USP34: variants seen among roughly 807,000 people sequenced by gnomAD.
The protein encoded by USP34 is ubiquitin specific peptidase 34.
A neutral mutation model predicts 460.3 loss-of-function variants in USP34; 70 were observed. The observed-to-expected ratio is 0.15, with a 90% CI of 0.13 to 0.19. The LOEUF is 0.19. Among genes scored for constraint, USP34 ranks in the 10% least tolerant of loss-of-function variants. The pLI, the probability that USP34 is intolerant of heterozygous loss-of-function variation, is 1.00. For missense variants in USP34, 3,985 were observed against 4,236.2 expected, an observed-to-expected ratio of 0.94 and a Z score of 1.65; for synonymous variants, 1,647 against 1,405.3, an observed-to-expected ratio of 1.17 and a Z score of -3.85.
intron 41 of USP34, among the ~76,000 whole-genome samples, chr2:61,271,277 C>G (rs1478024173): frequency 6.6e-6 from 1 of 152,212 alleles, no homozygotes; most frequent in Non-Finnish European, 1.5e-5. Flanking sequence ...GCACTCCAAC[C>G]TGGGTGAAGC....
chr2:61,453,743 GA>G (rs201277839), intron 1 of USP34, among the ~76,000 whole-genome samples: 6,110 of 134,278 alleles, frequency 0.046, 430 homozygotes, highest in African/African-American at 0.16. Flanking sequence ...AAAGGAAGAA[GA>G]AAAAAACCAA....
At chr2:61,421,030 G>C (rs537096517) in intron 1 of USP34, among the ~76,000 whole-genome samples, 197 bp from the exon 2 acceptor site, 1 of 152,098 alleles carries the variant, frequency 6.6e-6, no homozygotes, top group East Asian at 1.9e-4. Context: ...TAAGGGGTGG[G>C]GGGGGCAGTG....
At position 61,251,519 on chromosome 2, in the gene USP34, A is replaced by G. The variant is rs146151386; in HGVS notation, c.6222-2836T>C. Reference sequence around the variant, plus strand: ...CTACAAACTCAGCTGTATCGTTTATATACGAAACTATTGTTGCTTTTGCAG... The same window carrying G: ...CTACAAACTCAGCTGTATCGTTTATGTACGAAACTATTGTTGCTTTTGCAG... On this transcript the variant is annotated intron_variant, in intron 48 of 79. Transcript: ENST00000398571. 2.6e-3 allele frequency among the ~76,000 whole-genome samples: 398 copies of G among 152,354 alleles called. 2 individuals are homozygous for G. Among genetic ancestry groups the G allele is most frequent in the African/African-American group, 9.3e-3 (385 of 41,586 alleles).
chr2:61,428,434 G>A (rs1182605958), intron 1 of USP34, among the ~76,000 whole-genome samples: 1 of 152,118 alleles, frequency 6.6e-6, no homozygotes, highest in Non-Finnish European at 1.5e-5. Context: ...AAAGTGACAG[G>A]ATTAGTTTTG....
intron 5 of USP34, among the ~76,000 whole-genome samples, chr2:61,390,688 T>G (rs916736635): frequency 1.3e-5 from 2 of 152,204 alleles, no homozygotes; most frequent in Admixed American, 6.5e-5. Context: ...ATTATCAGAT[T>G]TGAACCTTAA....
chr2:61,212,079 A>C (rs765765878), intron 68 of USP34, 150 bp from the exon 69 acceptor site: 9 of 1,139,748 alleles, frequency 7.9e-6, no homozygotes, highest in Non-Finnish European at 1.1e-5. Flanking sequence ...ATCAGTAACA[A>C]ATTCTATTTA....
intron 27 of USP34, among the ~76,000 whole-genome samples, chr2:61,302,274 A>G (rs1044632482): frequency 7.9e-5 from 12 of 152,240 alleles, no homozygotes; most frequent in Admixed American, 2.6e-4. Context: ...TTCAAGAAAA[A>G]TGAGTGGGGT....
Position 61,228,813 on chromosome 2 carries a change from A to T in USP34, c.7368+14T>A, listed in dbSNP as rs1687803530. On this transcript the variant is annotated intron_variant, in intron 60 of 79. Coordinates refer to ENST00000398571, the MANE Select transcript of USP34 (RefSeq NM_014709.4). ...AGGTAGATAATCAAAAAAATAGACAAGATATAGCCTCACCTCTTCTTCACC... is the reference window on the plus strand; with the variant it reads ...AGGTAGATAATCAAAAAAATAGACATGATATAGCCTCACCTCTTCTTCACC... 6.3e-7 allele frequency: 1 copy of T among 1,585,772 alleles called. No individual in the cohort carries two copies. Among genetic ancestry groups the T allele is most frequent in the Admixed American group, 1.9e-5 (1 of 53,798 alleles).
chr2:61,451,948 G>T (rs1270698762), intron 1 of USP34, among the ~76,000 whole-genome samples: 4 of 152,066 alleles, frequency 2.6e-5, no homozygotes, highest in Non-Finnish European at 5.9e-5. Context: ...GGCTGAGGCG[G>T]GCGGATCACG....
chr2:61,204,500 G>A lies in USP34; in HGVS notation c.9256C>T (p.Pro3086Ser), dbSNP rs1162783065. ...NHCTYHHSNI[P>S]MSLGPYFPCR... ...ACTGTGCTAGATAAATACGTACTTG[G>A]TATATTACTGTGATGGTAAGTACAA... is the stretch of plus-strand genomic sequence containing the variant. The change falls in exon 73 of 80, where the codon CCA becomes TCA. Residue 3086 changes from proline (P) to serine (S), a missense_variant. By Grantham distance (74) the Pro-to-Ser change is moderately conservative. Coordinates refer to ENST00000398571, the MANE Select transcript of USP34 (RefSeq NM_014709.4). 1.2e-5 allele frequency: 20 copies of A among 1,613,424 alleles called. No individual in the cohort carries two copies. The highest frequency in any genetic ancestry group is 4.0e-5 in the African/African-American group (3 of 75,026).
At chr2:61,321,899 TAG>T (rs1283707997) in intron 21 of USP34, among the ~76,000 whole-genome samples, 1 of 152,134 alleles carries the variant, frequency 6.6e-6, no homozygotes. Flanking sequence ...TCTCTGTATA[TAG>T]GAGATAAATA....
Position 61,228,928 on chromosome 2 carries a change from T to C in USP34, c.7267A>G (p.Thr2423Ala), listed in dbSNP as rs1241142878. 6.2e-7 allele frequency: 1 copy of C among 1,610,612 alleles called. No homozygotes were observed. The highest frequency in any genetic ancestry group is 1.7e-5 in the Admixed American group (1 of 59,504). Reference protein sequence around the residue: ...GRSCVTRFVRTLLLIMEHGVK... With the variant: ...GRSCVTRFVRALLLIMEHGVK... Reference sequence around the variant, plus strand: ...CCATGTTCCATAATTAATAACAGGGTTCTCACAAAGCGAGTGACACATGAA... The same window carrying C: ...CCATGTTCCATAATTAATAACAGGGCTCTCACAAAGCGAGTGACACATGAA... Residue 2423 changes from threonine to alanine, a missense_variant, in exon 60 of 80, where the codon ACC becomes GCC. This residue lies in a region of USP34 where 604 missense variants were observed against 684.8 expected (regional missense o/e 0.88). Coordinates refer to ENST00000398571, the MANE Select transcript of USP34 (RefSeq NM_014709.4).
In USP34 at chr2:61,214,279, C is replaced by G. The variant is rs756414924; in HGVS notation, c.8463G>C (p.Gln2821His). Reference sequence around the variant, plus strand: ...CAATGTTCTTGGTTACCACTGGGTTCTGAACAATAAGGCGGATATTCTCTG... The same window carrying G: ...CAATGTTCTTGGTTACCACTGGGTTGTGAACAATAAGGCGGATATTCTCTG... ...DCPENIRLIV[Q>H]NPVVTKNIAF... Residue 2821 changes from glutamine (Q) to histidine (H), a missense_variant, in exon 68 of 80, where the codon CAG (glutamine) becomes CAC (histidine). This residue lies in a region of USP34 where 66 missense variants were observed against 121.2 expected (regional missense o/e 0.54). Coordinates refer to ENST00000398571, the MANE Select transcript of USP34 (RefSeq NM_014709.4). 1.2e-6 allele frequency: 2 copies of G among 1,614,230 alleles called. No individual in the cohort carries two copies. Among genetic ancestry groups the G allele is most frequent in the African/African-American group, 2.7e-5 (2 of 75,048 alleles).
intron 18 of USP34, among the ~76,000 whole-genome samples, chr2:61,338,976 C>T (rs1691509132): frequency 6.6e-6 from 1 of 152,138 alleles, no homozygotes; most frequent in African/African-American, 2.4e-5. Context: ...TATGTTGTAG[C>T]TTAAGTAAAA....
At chr2:61,374,015 G>A (rs1692713594) in intron 8 of USP34, among the ~76,000 whole-genome samples, 1 of 152,070 alleles carries the variant, frequency 6.6e-6, no homozygotes, top group Non-Finnish European at 1.5e-5. Flanking sequence ...AATTAGCCAG[G>A]CGTGGTGGCA....
chr2:61,383,607 G>A (rs1003729747), intron 5 of USP34, among the ~76,000 whole-genome samples: 1 of 152,004 alleles, frequency 6.6e-6, no homozygotes, highest in Non-Finnish European at 1.5e-5. Flanking sequence ...AGAGGCTGAG[G>A]CAGGAGAATC....
chr2:61,434,665 A>G (rs1694764392), intron 1 of USP34, among the ~76,000 whole-genome samples: 1 of 152,010 alleles, frequency 6.6e-6, no homozygotes, highest in African/African-American at 2.4e-5. Flanking sequence ...AAGAAACTAC[A>G]TTACTGTGTC....
intron 50 of USP34, 108 bp from the exon 51 acceptor site, chr2:61,245,396 G>C (rs1022475079): frequency 1.8e-6 from 1 of 558,710 alleles, no homozygotes; most frequent in Non-Finnish European, 2.9e-6. Flanking sequence ...ATTATTTCAT[G>C]AGGTAAATTC....
chr2:61,359,787 T>G (rs903537178), intron 10 of USP34, among the ~76,000 whole-genome samples: 3 of 144,524 alleles, frequency 2.1e-5, no homozygotes, highest in East Asian at 2.0e-4. Context: ...TTGTTTTTTT[T>G]TTTTTTTTTT....
Sources: gnomAD v4.1 joint callset for allele counts (sites outside exome capture counted in the v4.1 genomes callset) on GRCh38, gnomAD v4.1.1 for gene constraint, gnomAD v4.1.1 regional missense constraint, MANE v1.5 for transcripts, NCBI Gene and HGNC (gene_info 2026-07-23, HGNC 2026-07-21) for gene names.